PKD2L1: variants seen among roughly 807,000 people sequenced by gnomAD.
PKD2L1 encodes the protein polycystin-2-like protein 1.
PKD2L1 carries 77 observed loss-of-function variants against 93.0 expected under a neutral mutation model. The ratio of observed to expected loss-of-function variants is 0.83; its 90% CI spans 0.69 to 1.00. The LOEUF is 1.00. Among genes scored for constraint, PKD2L1 ranks in the 50% least tolerant of loss-of-function variants. The probability of loss-of-function intolerance (pLI) is 0.00; values close to 1 mark genes in which losing one functional copy is unlikely to be tolerated. For missense variants in PKD2L1, 977 were observed against 990.9 expected (o/e 0.99, Z 0.19); for synonymous variants, 390 against 388.0 (o/e 1.01, Z -0.06).
chr10:100,318,521 C>CTT lies in PKD2L1; in HGVS notation c.349+10688_349+10689dup, dbSNP rs535608372. Among the ~76,000 whole-genome samples the CTT allele has an allele frequency of 1.1e-3, 158 of 139,666 alleles. 2 individuals are homozygous for CTT. The highest frequency in any genetic ancestry group is 0.01 in the South Asian group (45 of 4,420). The allele number at this position is 139,666 out of a possible 152,430, so 91.6% of individuals were successfully genotyped here. Reference sequence around the variant, plus strand: ...CAGAGTATTGAGATGTTTTTCTTTTCTTTTTTTTTTTTTTTTAGGCAGAAT... The same window carrying CTT: ...CAGAGTATTGAGATGTTTTTCTTTTCTTTTTTTTTTTTTTTTTTAGGCAGAAT... On this transcript the variant is annotated intron_variant, in intron 2 of 15. Coordinates refer to ENST00000318222, the MANE Select transcript of PKD2L1 (RefSeq NM_016112.3).
intron 2 of PKD2L1, among the ~76,000 whole-genome samples, chr10:100,303,199 GTT>G (rs1007875774): frequency 7.2e-6 from 1 of 138,700 alleles, no homozygotes; most frequent in Non-Finnish European, 1.5e-5. Context: ...CTGTTTTTTT[GTT>G]TTTTTTTTTG....
intron 2 of PKD2L1, among the ~76,000 whole-genome samples, chr10:100,307,830 G>C (rs1196908039): frequency 6.6e-6 from 1 of 152,210 alleles, no homozygotes; most frequent in Admixed American, 6.5e-5. Flanking sequence ...GGCTCACATG[G>C]AGGGGGTTCT....
intron 2 of PKD2L1, among the ~76,000 whole-genome samples, chr10:100,317,855 C>T (rs1849134708): frequency 2.0e-5 from 3 of 152,156 alleles, no homozygotes; most frequent in South Asian, 4.1e-4. Flanking sequence ...CTGAGGTGGG[C>T]AGATCACCTG....
intron 14 of PKD2L1, 26 bp downstream of exon 14, chr10:100,289,988 AG>A: frequency 1.2e-6 from 2 of 1,613,772 alleles, no homozygotes; most frequent in Middle Eastern, 1.7e-4. Flanking sequence ...GTGAGGAACT[AG>A]GAGGACCAGG....
intron 13 of PKD2L1, 130 bp from the exon 14 acceptor site, chr10:100,290,268 G>T: frequency 7.4e-7 from 1 of 1,355,892 alleles, no homozygotes; most frequent in Non-Finnish European, 1.0e-6. Flanking sequence ...AGCCTTGTAG[G>T]CAGAATTAAA....
At position 100,329,258 on chromosome 10, in the gene PKD2L1, A is replaced by G. The variant is rs1345949902; in HGVS notation, c.302T>C (p.Leu101Pro). The change falls in exon 2 of 16, where the codon CTG (leucine) becomes CCG (proline). Residue 101 changes from leucine to proline, a missense_variant. Leu to Pro is a moderately conservative substitution (Grantham distance 98, BLOSUM62 -3). Coordinates refer to ENST00000318222, the MANE Select transcript of PKD2L1 (RefSeq NM_016112.3). ...ENRELYIKTT[L>P]RELLVYIVFL... The stretch of plus-strand genomic sequence containing the variant: ...CACAATATATACCAACAGCTCCCTC[A>G]GGGTGGTCTTGATATAAAGTTCCCG... The G allele has an allele frequency of 5.0e-6, 8 of 1,613,994 alleles. No homozygotes were observed. In the East Asian group the frequency reaches 8.9e-5, roughly 18 times the overall value.
chr10:100,318,148 CCAGT>C (rs1283856775), intron 2 of PKD2L1, among the ~76,000 whole-genome samples: 1 of 152,044 alleles, frequency 6.6e-6, no homozygotes, highest in African/African-American at 2.4e-5. Flanking sequence ...GAACCTCTGC[CCAGT>C]CTGGAGGTTC....
intron 2 of PKD2L1, among the ~76,000 whole-genome samples, chr10:100,301,464 C>G (rs1043674251): frequency 1.3e-5 from 2 of 150,924 alleles, no homozygotes; most frequent in East Asian, 1.9e-4. Flanking sequence ...GCCCCCCCCC[C>G]GGGAATGCAT....
intron 2 of PKD2L1, among the ~76,000 whole-genome samples, chr10:100,315,439 G>A (rs747932117): frequency 3.9e-5 from 6 of 152,022 alleles, no homozygotes; most frequent in African/African-American, 7.2e-5. Flanking sequence ...CCCCTACCCC[G>A]TGACAGGCCT....
chr10:100,301,891 A>G (rs10786584), intron 2 of PKD2L1, among the ~76,000 whole-genome samples: 89,299 of 152,050 alleles, frequency 0.59, 26,670 homozygotes, highest in African/African-American at 0.69. Context: ...AGGTCCCTCC[A>G]TTCGGGGTCC....
intron 2 of PKD2L1, among the ~76,000 whole-genome samples, chr10:100,322,608 G>A (rs1849286359): frequency 6.6e-6 from 1 of 152,186 alleles, no homozygotes; most frequent in Non-Finnish European, 1.5e-5. Flanking sequence ...TTAATGTAGT[G>A]GTAGCCAACT....
rs751778673 is a variant in PKD2L1 at position 100,294,649 on chromosome 10, A to T, written c.1545T>A (p.Thr515=). ...AGTCCCCGAGGATTATCCGGAACTG[A>T]GTGAAACTGAGAGACCAGGTCTGGG... ...NFSTFIKCIF[T]QFRIILGDFD... Residue 515 remains threonine (T), a synonymous_variant, in exon 9 of 16, where the codon ACT becomes ACA. Coordinates refer to ENST00000318222, the MANE Select transcript of PKD2L1 (RefSeq NM_016112.3). The T allele has an allele frequency of 6.2e-7, 1 of 1,613,980 alleles. No homozygotes were observed. The highest frequency in any genetic ancestry group is 2.2e-5 in the East Asian group (1 of 44,892).
At position 100,288,193 on chromosome 10, in the gene PKD2L1, G is replaced by A; in HGVS notation, c.*203C>T. The A allele has an allele frequency of 2.0e-6, 1 of 504,456 alleles. No individual in the cohort carries two copies. Among genetic ancestry groups the A allele is most frequent in the Non-Finnish European group, 3.6e-6 (1 of 281,402 alleles). The allele number at this position is 504,456 out of a possible 1,614,324, so 31.2% of individuals were successfully genotyped here. A position where few individuals can be genotyped will look rare whatever the true frequency, so the allele number is the denominator to read the frequency against. On this transcript the variant is annotated 3_prime_UTR_variant, in exon 16 of 16. Transcript: ENST00000318222. ...TGATAGCCACCATGGAAACCCACATGGTCTTATGGAAGAATAATGTCAGAA... is the reference window on the plus strand; with the variant it reads ...TGATAGCCACCATGGAAACCCACATAGTCTTATGGAAGAATAATGTCAGAA...
intron 2 of PKD2L1, among the ~76,000 whole-genome samples, chr10:100,306,715 G>A (rs1848807429): frequency 6.6e-6 from 1 of 151,134 alleles, no homozygotes; most frequent in South Asian, 2.1e-4. Flanking sequence ...ACAAAAATTG[G>A]GTGTGTTGGC....
chr10:100,289,147 T>G (rs1450375920), intron 14 of PKD2L1, 91 bp from the exon 15 acceptor site: 4 of 835,828 alleles, frequency 4.8e-6, no homozygotes, highest in Admixed American at 2.5e-5. Flanking sequence ...GAACTCAGAC[T>G]GCTATAGACT....
At chr10:100,315,798 T>C (rs1849088541) in intron 2 of PKD2L1, among the ~76,000 whole-genome samples, 1 of 152,210 alleles carries the variant, frequency 6.6e-6, no homozygotes, top group Non-Finnish European at 1.5e-5. Context: ...GAGGCCTTAG[T>C]TGGCTGGCGC....
chr10:100,325,095 C>T (rs939967614), intron 2 of PKD2L1, among the ~76,000 whole-genome samples: 8 of 152,278 alleles, frequency 5.3e-5, no homozygotes, highest in Non-Finnish European at 8.8e-5. Context: ...TATCCGTCTC[C>T]CCAAAAGTCT....
At chr10:100,308,438 A>G (rs1466930483) in intron 2 of PKD2L1, among the ~76,000 whole-genome samples, 1 of 151,644 alleles carries the variant, frequency 6.6e-6, no homozygotes, top group Non-Finnish European at 1.5e-5. Flanking sequence ...AGGTTCAAGC[A>G]ATTCTCCTGC....
rs4917897 is a variant in PKD2L1, at chr10:100,291,534, T to A, written c.1881-107A>T. 0.057 allele frequency: 66,194 copies of A among 1,153,982 alleles called. 8,422 individuals are homozygous for A. Among genetic ancestry groups the A allele is most frequent in the African/African-American group, 0.47 (30,918 of 65,710 alleles). The allele number at this position is 1,153,982 out of a possible 1,614,324, so 71.5% of individuals were successfully genotyped here. A position where few individuals can be genotyped will look rare whatever the true frequency, so the allele number is the denominator to read the frequency against. On this transcript the variant is annotated intron_variant, in intron 11 of 15. Coordinates refer to ENST00000318222, the MANE Select transcript of PKD2L1 (RefSeq NM_016112.3). The stretch of plus-strand genomic sequence containing the variant: ...ACTCTGGCAAAAGTTTTGCTTCTGG[T>A]AAAGAAGGTTCTCCAAAGTCTAGCA...
Sources: allele counts gnomAD v4.1 joint callset (sites outside exome capture counted in the v4.1 genomes callset), GRCh38; gene constraint gnomAD v4.1.1; transcripts MANE v1.5; gene names NCBI Gene and HGNC (gene_info 2026-07-23, HGNC 2026-07-21).